Variants in ANKLE1 observed in about 807,000 individuals in gnomAD.
The protein encoded by ANKLE1 is structure-specific endonuclease ANKLE1.
ANKLE1 carries 59 observed loss-of-function variants against 56.2 expected under a neutral mutation model. That is an observed-to-expected ratio of 1.05 (90% CI 0.85 to 1.30). The LOEUF (loss-of-function observed/expected upper bound fraction) is 1.30. Among genes scored for constraint, ANKLE1 ranks in the 50% most tolerant of loss-of-function variants. The pLI, the probability that ANKLE1 is intolerant of heterozygous loss-of-function variation, is 0.00. For missense variants in ANKLE1, 771 were observed against 816.1 expected, an observed-to-expected ratio of 0.94 and a Z score of 0.67; for synonymous variants, 341 against 352.9, an observed-to-expected ratio of 0.97 and a Z score of 0.38.
rs765591299 is a variant in ANKLE1 at position 17,285,738 on chromosome 19, G to A, written c.1594G>A (p.Gly532Ser). 1.4e-5 allele frequency: 23 copies of A among 1,613,786 alleles called. No individual in the cohort carries two copies. Among genetic ancestry groups the A allele is most frequent in the Middle Eastern group, 1.6e-4 (1 of 6,084 alleles). Residue 532 changes from glycine (G) to serine (S), a missense_variant, in exon 8 of 9, where the codon GGT becomes AGT. Physicochemically the swap from Gly to Ser is moderately conservative, Grantham distance 56. Transcript: ENST00000404085. ...QILDIWASGC[G>S]VVSLHCFQHV... is the part of the protein sequence containing the mutation. ...CTTGGACATCTGGGCCAGTGGTTGC[G>A]GTGTTGTGTCCCTACATTGCTTCCA...
rs145927575 is a variant in ANKLE1, at chr19:17,285,768, G to A, written c.1624G>A (p.Val542Met). The A allele has an allele frequency of 7.7e-3, 12,415 of 1,613,918 alleles. 68 individuals carry two copies. Among genetic ancestry groups the A allele is most frequent in the Non-Finnish European group, 9.2e-3 (10,910 of 1,179,898 alleles). ...TGTGTCCCTACATTGCTTCCAGCAC[G>A]TGGTCGCTGTGGAGGCTTATACACG... is the stretch of plus-strand genomic sequence containing the variant. ...GVVSLHCFQH[V>M]VAVEAYTREA... The change falls in exon 8 of 9, where the codon GTG becomes ATG. Residue 542 changes from valine to methionine, a missense_variant. Physicochemically the swap from Val to Met is conservative, Grantham distance 21 (BLOSUM62 1). Transcript: ENST00000404085.
Position 17,284,088 on chromosome 19 carries a change from G to A in ANKLE1, c.1199-1G>A, listed in dbSNP as rs998940544. ...CTTCCTCCATCTCCCTTGACTTCCA[G>A]GCCCAGAGTTTTCAGGGCACAGCCT... On this transcript the variant is annotated splice_acceptor_variant, in intron 5 of 8. Transcript: ENST00000404085. LOFTEE classifies it high-confidence loss of function. 4 of 1,613,354 alleles carry A rather than the reference G, an allele frequency of 2.5e-6. No individual in the cohort carries two copies. The highest frequency in any genetic ancestry group is 2.7e-5 in the African/African-American group (2 of 74,892).
rs2145634105 is a variant in ANKLE1 at position 17,281,950 on chromosome 19, G to T, written c.30G>T (p.Arg10Ser). The T allele has an allele frequency of 2.0e-6, 3 of 1,534,408 alleles. No individual in the cohort carries two copies. In the East Asian group the frequency reaches 7.3e-5, roughly 38 times the overall value. ...GCTCGGAGGCCCGCCTGGCTCGCAGGTTGCGGGATGCGCTGCGGGAGGAGG... is the reference window on the plus strand; with the variant it reads ...GCTCGGAGGCCCGCCTGGCTCGCAGTTTGCGGGATGCGCTGCGGGAGGAGG... MCSEARLAR[R>S]LRDALREEEP... Residue 10 changes from arginine (R) to serine (S), a missense_variant, in exon 1 of 9, where the codon AGG (arginine) becomes AGT (serine). Arg to Ser is a moderately radical substitution (Grantham distance 110). Transcript: ENST00000404085.
intron 8 of ANKLE1, among the ~76,000 whole-genome samples, chr19:17,286,149 C>T (rs201360748): frequency 6.6e-6 from 1 of 152,306 alleles, no homozygotes; most frequent in East Asian, 1.9e-4. Context: ...GCTGAGATTA[C>T]AGGCACATAT....
chr19:17,282,586 C>T (rs774040519), intron 2 of ANKLE1, 70 bp from the exon 3 acceptor site: 5 of 1,430,770 alleles, frequency 3.5e-6, no homozygotes, highest in Non-Finnish European at 4.7e-6. Flanking sequence ...CTCCAGGTCC[C>T]CAGAGCGGAG....
chr19:17,282,400 G>A (rs1393866840), intron 2 of ANKLE1, 191 bp downstream of exon 2: 1 of 939,586 alleles, frequency 1.1e-6, no homozygotes, highest in Non-Finnish European at 1.6e-6. Flanking sequence ...CCAGACCGAG[G>A]GCGTGGAATG....
intron 8 of ANKLE1, 35 bp downstream of exon 8, chr19:17,285,854 A>G: frequency 1.2e-6 from 2 of 1,609,668 alleles, no homozygotes; most frequent in Non-Finnish European, 1.7e-6. Flanking sequence ...GGGTCATATG[A>G]AAGGCATTTG....
Position 17,285,823 on chromosome 19 carries a change from G to T in ANKLE1, c.1675+4G>T. ...GCGTGTATTGTGGAAGCCCTAGGTG[G>T]GTGCCTGGTACCTAGAATGGGGGTC... is the stretch of plus-strand genomic sequence containing the variant. On this transcript the variant is annotated splice_donor_region_variant and intron_variant, in intron 8 of 8. Transcript: ENST00000404085. The T allele has an allele frequency of 1.2e-6, 2 of 1,613,154 alleles. No homozygotes were observed. The highest frequency in any genetic ancestry group is 1.7e-6 in the Non-Finnish European group (2 of 1,179,734).
chr19:17,285,681 C>A lies in ANKLE1; in HGVS notation c.1537C>A (p.Pro513Thr). 1 of 1,613,920 alleles carries A rather than the reference C, an allele frequency of 6.2e-7. No individual in the cohort carries two copies. The highest frequency in any genetic ancestry group is 1.3e-5 in the African/African-American group (1 of 75,016). The change falls in exon 8 of 9, where the codon CCC (proline) becomes ACC (threonine). Residue 513 changes from proline to threonine, a missense_variant and splice_region_variant. Pro to Thr is a conservative substitution (Grantham distance 38). Transcript: ENST00000404085. The part of the protein sequence containing the change: ...LGHHGRSRKQ[P>T]HQACPKVRQI... ...GTGCTGACTCCTGATTCTGCCCTAG[C>A]CCCACCAGGCCTGCCCCAAGGTGCG...
Position 17,283,426 on chromosome 19 carries a change from T to C in ANKLE1, c.662T>C (p.Phe221Ser). ...GHWDYSSDAS[F>S]VTAVEVSGAE... ...TGGGATTACAGCTCAGACGCCTCTT[T>C]CGTCACAGCGGTTGAGGTCTCTGGA... The change falls in exon 5 of 9, where the codon TTC (phenylalanine) becomes TCC (serine). Residue 221 changes from phenylalanine to serine, a missense_variant. Phe to Ser is a radical substitution (Grantham distance 155). Transcript: ENST00000404085. 2 of 1,613,626 alleles carry C rather than the reference T, an allele frequency of 1.2e-6. No homozygotes were observed. The highest frequency in any genetic ancestry group is 4.5e-5 in the East Asian group (2 of 44,868).
In ANKLE1 at chr19:17,286,670, G is replaced by GTGTT. The variant is rs1555719364; in HGVS notation, c.*121_*122insTTGT. On this transcript the variant is annotated 3_prime_UTR_variant, in exon 9 of 9. Coordinates refer to ENST00000404085, the MANE Select transcript of ANKLE1 (RefSeq NM_152363.6). ...GGGGTGTGTGTGTGTGTGTGTGTGTGTGTGTGTGTGTGTGTGTGTGTTTGT... is the reference window on the plus strand; with the variant it reads ...GGGGTGTGTGTGTGTGTGTGTGTGTGTGTTTGTGTGTGTGTGTGTGTGTGTTTGT... 1.5e-5 allele frequency: 18 copies of GTGTT among 1,213,948 alleles called. No individual in the cohort carries two copies. In the East Asian group the frequency reaches 1.6e-4, roughly 11 times the overall value. The allele number at this position is 1,213,948 out of a possible 1,614,324, so 75.2% of individuals were successfully genotyped here.
In ANKLE1 at chr19:17,284,077, C is replaced by G. The variant is rs1464852420; in HGVS notation, c.1199-12C>G. 6.2e-7 allele frequency: 1 copy of G among 1,612,730 alleles called. No individual in the cohort carries two copies. Among genetic ancestry groups the G allele is most frequent in the Non-Finnish European group, 8.5e-7 (1 of 1,178,888 alleles). On this transcript the variant is annotated splice_polypyrimidine_tract_variant and intron_variant, in intron 5 of 8. Coordinates refer to ENST00000404085, the MANE Select transcript of ANKLE1 (RefSeq NM_152363.6). ...CAGAATCATCCCTTCCTCCATCTCC[C>G]TTGACTTCCAGGCCCAGAGTTTTCA...
In ANKLE1 at chr19:17,282,242, C is replaced by G. The variant is rs1270286941; in HGVS notation, c.215+33C>G. The G allele has an allele frequency of 4.8e-6, 7 of 1,448,822 alleles. No homozygotes were observed. In the East Asian group the frequency reaches 1.8e-4, roughly 36 times the overall value. The allele number at this position is 1,448,822 out of a possible 1,614,324, so 89.7% of individuals were successfully genotyped here. The stretch of plus-strand genomic sequence containing the variant: ...AGAGCCTGGGTCCGGGGCGGGGTCT[C>G]CCCAAGCCGAAGTCTGGGAATCCGG... On this transcript the variant is annotated intron_variant, in intron 2 of 8. Coordinates refer to ENST00000404085, the MANE Select transcript of ANKLE1 (RefSeq NM_152363.6).
chr19:17,283,698 C>T lies in ANKLE1; in HGVS notation c.934C>T (p.Pro312Ser). 3 of 1,613,654 alleles carry T rather than the reference C, an allele frequency of 1.9e-6. No homozygotes were observed. Among genetic ancestry groups the T allele is most frequent in the Middle Eastern group, 1.6e-4 (1 of 6,062 alleles). Residue 312 changes from proline (P) to serine (S), a missense_variant, in exon 5 of 9, where the codon CCT becomes TCT. Pro to Ser is a moderately conservative substitution (Grantham distance 74). Transcript: ENST00000404085. ...PAHSPPRTPT[P>S]GASDCHCLWE... The stretch of plus-strand genomic sequence containing the variant: ...TCATAGCCCCCCACGGACACCAACC[C>T]CTGGAGCTTCTGACTGCCACTGCCT...
intron 5 of ANKLE1, 42 bp downstream of exon 5, chr19:17,284,004 G>T (rs759355662): frequency 3.1e-6 from 5 of 1,592,684 alleles, no homozygotes; most frequent in Admixed American, 3.4e-5. Flanking sequence ...GAGCCTCCAG[G>T]AATCTCCCGG....
At chr19:17,282,316 G>A in intron 2 of ANKLE1, 107 bp downstream of exon 2, 1 of 1,403,702 alleles carries the variant, frequency 7.1e-7, no homozygotes, top group Non-Finnish European at 9.3e-7. Context: ...TCGAGGGTGG[G>A]GTTTAGGGGA....
At chr19:17,284,325 A>G in intron 6 of ANKLE1, 59 bp downstream of exon 6, 1 of 1,551,210 alleles carries the variant, frequency 6.4e-7, no homozygotes, top group Non-Finnish European at 8.8e-7. Flanking sequence ...ATTGGTTTTT[A>G]TTTGCTGTGT....
chr19:17,283,623 G>A lies in ANKLE1; in HGVS notation c.859G>A (p.Gly287Ser), dbSNP rs1361208353. 1.3e-5 allele frequency: 21 copies of A among 1,612,104 alleles called. No homozygotes were observed. Among genetic ancestry groups the A allele is most frequent in the Non-Finnish European group, 1.6e-5 (19 of 1,179,068 alleles). ...GACTCTGACCCCACCAAATGCTGCT[G>A]GCTTCCAGTCCTCCCCTTCCTCCAT... The part of the protein sequence containing the change: ...ALTLTPPNAA[G>S]FQSSPSSMPL... The change falls in exon 5 of 9, where the codon GGC becomes AGC. Residue 287 changes from glycine (G) to serine (S), a missense_variant. By Grantham distance (56) the Gly-to-Ser change is moderately conservative. Coordinates refer to ENST00000404085, the MANE Select transcript of ANKLE1 (RefSeq NM_152363.6).
chr19:17,287,430 C>CAAAA lies in ANKLE1; in HGVS notation c.*881_*882insAAAA, dbSNP rs1163288255. ...TGGGCAACAGAGCGAGAGTCTGTCTCAAACAAACAAACAAAAAAACAAATG... is the reference window on the plus strand; with the variant it reads ...TGGGCAACAGAGCGAGAGTCTGTCTCAAAAAAACAAACAAACAAAAAAACAAATG... On this transcript the variant is annotated 3_prime_UTR_variant, in exon 9 of 9. Transcript: ENST00000404085. 8 of 150,974 alleles carry CAAAA rather than the reference C, an allele frequency of 5.3e-5. No homozygotes were observed. The highest frequency in any genetic ancestry group is 2.0e-4 in the African/African-American group (8 of 40,390). 9.4% of individuals were successfully genotyped at this position (150,974 alleles called of 1,614,324 possible).
Sources: allele counts gnomAD v4.1 joint callset (sites outside exome capture counted in the v4.1 genomes callset), GRCh38; gene constraint gnomAD v4.1.1; transcripts MANE v1.5; gene names NCBI Gene and HGNC (gene_info 2026-07-23, HGNC 2026-07-21).